INSL6: variants seen among roughly 807,000 people sequenced by gnomAD.
INSL6 encodes insulin like 6.
A neutral mutation model predicts 9.4 loss-of-function variants in INSL6; 16 were observed. The observed-to-expected ratio is 1.70, with a 90% confidence interval of 1.15 to 2.59. The LOEUF is 2.59. Among genes scored for constraint, INSL6 ranks in the 30% most tolerant of loss-of-function variants. The pLI is 0.00. For synonymous variants in INSL6, 154 were observed against 96.9 expected (o/e 1.59, Z -3.46); for missense variants, 391 against 257.3 (o/e 1.52, Z -3.56).
the INSL6 span, chr9:5,080,505 T>TTCTC: frequency 6.4e-7 from 1 of 1,564,596 alleles, no homozygotes. Flanking sequence ...ACACAATTTA[T>TTCTC]TCTCAGTTTG....
intron 1 of INSL6, among the ~76,000 whole-genome samples, chr9:5,166,782 A>G (rs1005950381): frequency 2.0e-5 from 3 of 152,236 alleles, no homozygotes; most frequent in Non-Finnish European, 2.9e-5. Flanking sequence ...AAAGCTGCCC[A>G]GCTCATTTTA....
At chr9:5,029,847 A>C in the INSL6 span, 1 of 1,612,078 alleles carries the variant, frequency 6.2e-7, no homozygotes, top group Admixed American at 1.7e-5. Flanking sequence ...TCTGGTATCC[A>C]CCCAACCATG....
the INSL6 span, chr9:5,094,018 G>C: frequency 6.6e-6 from 1 of 152,018 alleles, no homozygotes; most frequent in Non-Finnish European, 1.5e-5. Flanking sequence ...CCAAGAACAG[G>C]GTTTCTTAAG....
At chr9:5,089,585 C>CAAAT in the INSL6 span, 1 of 312,098 alleles carries the variant, frequency 3.2e-6, no homozygotes, top group Non-Finnish European at 5.8e-6. Flanking sequence ...CTAATTCCAG[C>CAAAT]TACTAGAATT....
At chr9:5,081,711 C>A in the INSL6 span, 26 of 1,563,646 alleles carry the variant, frequency 1.7e-5, no homozygotes, top group Admixed American at 4.4e-4. Flanking sequence ...TGATAATATT[C>A]TTTATTTCTC....
At chr9:5,111,257 C>A in the INSL6 span, 1 of 510,440 alleles carries the variant, frequency 2.0e-6, no homozygotes, top group East Asian at 4.7e-5. Context: ...GAGACGCAGG[C>A]GTGCGCAGCC....
intron 1 of INSL6, among the ~76,000 whole-genome samples, chr9:5,177,908 C>T (rs1364123382): frequency 6.6e-6 from 1 of 152,078 alleles, no homozygotes; most frequent in East Asian, 1.9e-4. Flanking sequence ...TGGAGTCTCG[C>T]TCTGTCACCC....
chr9:5,134,697 A>G (rs1158879292), intron 2 of INSL6, among the ~76,000 whole-genome samples: 4 of 152,200 alleles, frequency 2.6e-5, no homozygotes, highest in Admixed American at 1.3e-4. Context: ...AGCACTAAAC[A>G]TGGAAGGAAC....
the INSL6 span, among the ~76,000 whole-genome samples, chr9:5,071,938 T>G: frequency 6.6e-6 from 1 of 152,228 alleles, no homozygotes; most frequent in Non-Finnish European, 1.5e-5. Context: ...TTAATGCACA[T>G]TTACTATGTG....
chr9:5,131,435 A>ATTTTTTTTTTT lies in INSL6; in HGVS notation c.*10+1979_*10+1989dup, dbSNP rs550915336. ...AATTCTTTAACACCACCAGTTAACA[A>ATTTTTTTTTTT]TTTTTTTTTTTTTTTTTTTGAGACA... On this transcript the variant is annotated intron_variant, in intron 3 of 3. Coordinates refer to the INSL6 transcript ENST00000649639. Among the ~76,000 whole-genome samples, 262 of 115,766 alleles carry ATTTTTTTTTTT rather than the reference A, an allele frequency of 2.3e-3. 16 individuals are homozygous for ATTTTTTTTTTT. The highest frequency in any genetic ancestry group is 7.5e-3 in the African/African-American group (187 of 24,910). 75.9% of individuals were successfully genotyped at this position (115,766 alleles called of 152,430 possible).
chr9:5,103,304 A>C, the INSL6 span, among the ~76,000 whole-genome samples: 9 of 151,054 alleles, frequency 6.0e-5, no homozygotes, highest in African/African-American at 2.0e-4. Context: ...TAAGCCAACA[A>C]AGATCAAAAG....
chr9:5,142,484 G>A (rs377159347), intron 2 of INSL6, among the ~76,000 whole-genome samples: 2 of 152,254 alleles, frequency 1.3e-5, no homozygotes, highest in African/African-American at 2.4e-5. Context: ...GTTTGTTCCC[G>A]ATTTGGCTCT....
chr9:5,146,729 A>G (rs1007018965), intron 2 of INSL6, among the ~76,000 whole-genome samples: 2 of 152,224 alleles, frequency 1.3e-5, no homozygotes, highest in Non-Finnish European at 2.9e-5. Context: ...AAACCTGCCT[A>G]TGCAGACATG....
At chr9:5,033,123 A>G in the INSL6 span, among the ~76,000 whole-genome samples, 1 of 152,240 alleles carries the variant, frequency 6.6e-6, no homozygotes, top group South Asian at 2.1e-4. Flanking sequence ...AGCCGATTCA[A>G]TCAATAGGAA....
the INSL6 span, chr9:5,086,014 T>G: frequency 1.2e-6 from 1 of 814,346 alleles, no homozygotes; most frequent in Non-Finnish European, 2.2e-6. Flanking sequence ...TGTGATATAC[T>G]ATATACATTT....
At chr9:5,093,960 C>G in the INSL6 span, among the ~76,000 whole-genome samples, 1 of 152,086 alleles carries the variant, frequency 6.6e-6, no homozygotes, top group African/African-American at 2.4e-5. Context: ...CATAAAGTGC[C>G]CTCCCCCCAT....
chr9:5,006,341 G>T, the INSL6 span, among the ~76,000 whole-genome samples: 6 of 152,148 alleles, frequency 3.9e-5, no homozygotes, highest in African/African-American at 1.4e-4. Flanking sequence ...CATTGATTTT[G>T]TATGCTGAGA....
the INSL6 span, chr9:5,090,927 TA>T: frequency 6.6e-7 from 1 of 1,514,996 alleles, no homozygotes; most frequent in Non-Finnish European, 8.9e-7. Context: ...TATATTTCAG[TA>T]TGATAAATGA....
chr9:5,018,917 C>G, the INSL6 span, among the ~76,000 whole-genome samples: 1 of 152,078 alleles, frequency 6.6e-6, no homozygotes, highest in Admixed American at 6.5e-5. Flanking sequence ...TGACTAGACT[C>G]TTTTTTCTTG....
Sources: allele counts gnomAD v4.1 joint callset (sites outside exome capture counted in the v4.1 genomes callset), GRCh38; gene constraint gnomAD v4.1.1; transcripts MANE v1.5; gene names NCBI Gene and HGNC (gene_info 2026-07-23, HGNC 2026-07-21).